Variants in VPS13B observed in about 807,000 individuals in gnomAD.
The protein encoded by VPS13B is intermembrane lipid transfer protein VPS13B.
VPS13B carries 285 observed loss-of-function variants against 426.4 expected under a neutral mutation model. The ratio of observed to expected loss-of-function variants is 0.67; its 90% CI spans 0.61 to 0.74. The LOEUF (loss-of-function observed/expected upper bound fraction) is 0.74, where lower values mean the gene tolerates loss of function less well. VPS13B is among the 30% of genes least tolerant of loss of function. VPS13B has a pLI of 0.00. For missense variants in VPS13B, 4,537 were observed against 4,782.6 expected (o/e 0.95, Z 1.51); for synonymous variants, 1,676 against 1,676.4 (o/e 1.00, Z 0.01).
In VPS13B at chr8:99,877,301, CT is replaced by C. The variant is rs1817738641; in HGVS notation, c.*1636del. 6.5e-6 allele frequency: 1 copy of C among 152,766 alleles called. No individual in the cohort carries two copies. Among genetic ancestry groups the C allele is most frequent in the East Asian group, 1.9e-4 (1 of 5,194 alleles). The allele number at this position is 152,766 out of a possible 1,614,324, so 9.5% of individuals were successfully genotyped here. ...CTGTAAATATTTAGAAAAGTGACAG[CT>C]GTCAACCTCAGAGTAACTATTTCTA... On this transcript the variant is annotated 3_prime_UTR_variant, in exon 62 of 62. Transcript: ENST00000357162.
At chr8:99,054,412 T>C (rs1293524518) in intron 3 of VPS13B, among the ~76,000 whole-genome samples, 4 of 152,234 alleles carry the variant, frequency 2.6e-5, no homozygotes, top group African/African-American at 9.7e-5. Context: ...TTGTTTGTCT[T>C]TTTGTTTGAG....
chr8:99,086,771 G>A (rs1845832980), intron 3 of VPS13B, among the ~76,000 whole-genome samples: 1 of 152,180 alleles, frequency 6.6e-6, no homozygotes. Context: ...GCAGAACAGT[G>A]GATATTGGTG....
intron 13 of VPS13B, among the ~76,000 whole-genome samples, chr8:99,145,885 C>T (rs924643628): frequency 1.3e-5 from 2 of 152,178 alleles, no homozygotes; most frequent in Admixed American, 6.5e-5. Flanking sequence ...AAGCTGTTTT[C>T]AGGAGTGGCC....
intron 39 of VPS13B, among the ~76,000 whole-genome samples, chr8:99,753,425 T>C (rs1376613222): frequency 6.6e-6 from 1 of 152,164 alleles, no homozygotes; most frequent in East Asian, 1.9e-4. Context: ...TACAAATAAG[T>C]AAAATATCTG....
intron 34 of VPS13B, among the ~76,000 whole-genome samples, chr8:99,657,653 T>C (rs1242072047): frequency 6.6e-6 from 1 of 152,196 alleles, no homozygotes; most frequent in African/African-American, 2.4e-5. Flanking sequence ...GTATTTATGG[T>C]GCATTCATAG....
At chr8:99,462,131 C>T (rs1217560293) in intron 23 of VPS13B, among the ~76,000 whole-genome samples, 2 of 150,504 alleles carry the variant, frequency 1.3e-5, no homozygotes, top group Non-Finnish European at 3.0e-5. Flanking sequence ...AACTTCCTTC[C>T]TTCCTTTCCT....
intron 19 of VPS13B, among the ~76,000 whole-genome samples, chr8:99,324,602 A>G (rs764191047): frequency 1.4e-4 from 21 of 152,170 alleles, no homozygotes; most frequent in Non-Finnish European, 2.8e-4. Flanking sequence ...TTTTGTCTGA[A>G]AAAAAGAAAA....
intron 3 of VPS13B, among the ~76,000 whole-genome samples, chr8:99,085,930 A>T (rs1278092573): frequency 6.6e-6 from 1 of 151,920 alleles, no homozygotes; most frequent in East Asian, 1.9e-4. Context: ...TGTGTCTTGG[A>T]GCAACAATTA....
intron 19 of VPS13B, chr8:99,348,146 A>G (rs1811646465): frequency 6.6e-6 from 1 of 152,208 alleles, no homozygotes; most frequent in African/African-American, 2.4e-5. Flanking sequence ...TCATTCGTTA[A>G]CACTGTTAAT....
intron 2 of VPS13B, among the ~76,000 whole-genome samples, chr8:99,024,748 T>G (rs961250905): frequency 2.6e-5 from 4 of 152,380 alleles, no homozygotes; most frequent in East Asian, 1.9e-4. Flanking sequence ...GCTTGCAGAT[T>G]TGTTCTTTTG....
At chr8:99,324,911 G>A (rs1325347232) in intron 19 of VPS13B, among the ~76,000 whole-genome samples, 1 of 151,898 alleles carries the variant, frequency 6.6e-6, no homozygotes, top group Non-Finnish European at 1.5e-5. Context: ...TTTAATTAAA[G>A]GCTCTTCCTT....
At chr8:99,638,213 T>C (rs1447221353) in intron 33 of VPS13B, among the ~76,000 whole-genome samples, 1 of 152,146 alleles carries the variant, frequency 6.6e-6, no homozygotes, top group Non-Finnish European at 1.5e-5. Flanking sequence ...AGCACTATAG[T>C]ATGTTCTAGG....
intron 54 of VPS13B, among the ~76,000 whole-genome samples, chr8:99,840,824 C>G (rs113832480): frequency 2.9e-3 from 439 of 152,280 alleles, no homozygotes; most frequent in African/African-American, 0.01. Flanking sequence ...TATGTCTACC[C>G]TCCAATTCAG....
At chr8:99,646,392 G>A (rs553635776) in intron 34 of VPS13B, among the ~76,000 whole-genome samples, 7 of 152,192 alleles carry the variant, frequency 4.6e-5, no homozygotes, top group African/African-American at 1.4e-4. Flanking sequence ...AGTTGCAGTG[G>A]CATGCACCTG....
At chr8:99,303,293 T>C (rs1426600110) in intron 19 of VPS13B, among the ~76,000 whole-genome samples, 2 of 140,488 alleles carry the variant, frequency 1.4e-5, no homozygotes, top group Non-Finnish European at 3.1e-5. Context: ...AAACAACTAG[T>C]TGAGAAGGAG....
intron 19 of VPS13B, among the ~76,000 whole-genome samples, chr8:99,315,575 CTT>C (rs1234355985): frequency 1.3e-5 from 2 of 150,102 alleles, no homozygotes; most frequent in Admixed American, 6.6e-5. Flanking sequence ...TGTGTGTTCT[CTT>C]ATATCTCAAT....
intron 21 of VPS13B, among the ~76,000 whole-genome samples, chr8:99,392,015 A>C (rs1814474428): frequency 6.6e-6 from 1 of 152,280 alleles, no homozygotes; most frequent in African/African-American, 2.4e-5. Context: ...TCTCCTTTGC[A>C]AGGGTGTGAG....
chr8:99,383,122 TA>T (rs1349220990), intron 19 of VPS13B, among the ~76,000 whole-genome samples: 7 of 152,232 alleles, frequency 4.6e-5, no homozygotes. Context: ...CTGCTTTAGG[TA>T]AGTTCTATTC....
chr8:99,331,336 A>G (rs1810530885), intron 19 of VPS13B, among the ~76,000 whole-genome samples: 1 of 151,774 alleles, frequency 6.6e-6, no homozygotes, highest in Non-Finnish European at 1.5e-5. Flanking sequence ...TTACTACAGT[A>G]GCTACTACAT....
Sources: allele counts gnomAD v4.1 joint callset (sites outside exome capture counted in the v4.1 genomes callset), GRCh38; gene constraint gnomAD v4.1.1; transcripts MANE v1.5; gene names NCBI Gene and HGNC (gene_info 2026-07-23, HGNC 2026-07-21).